Variants in ALK observed in about 807,000 individuals in gnomAD.
The protein encoded by ALK is ALK receptor tyrosine kinase.
A neutral mutation model predicts 163.1 loss-of-function variants in ALK; 74 were observed. The ratio of observed to expected loss-of-function variants is 0.45; its 90% CI spans 0.38 to 0.55. The LOEUF is 0.55. Ranked by LOEUF, ALK falls within the 20% of genes least tolerant of loss-of-function variation. The pLI is 0.00. For synonymous variants in ALK, 960 were observed against 843.2 expected, an observed-to-expected ratio of 1.14 and a Z score of -2.40; for missense variants, 2,063 against 2,105.3, an observed-to-expected ratio of 0.98 and a Z score of 0.39.
chr2:29,861,812 G>C (rs1037920041), intron 1 of ALK, among the ~76,000 whole-genome samples: 1 of 152,120 alleles, frequency 6.6e-6, no homozygotes, highest in Admixed American at 6.6e-5. Context: ...ACTGAAGCCA[G>C]ACAAGGATAC....
At chr2:29,899,260 C>A (rs868743187) in intron 1 of ALK, among the ~76,000 whole-genome samples, 1 of 152,164 alleles carries the variant, frequency 6.6e-6, no homozygotes, top group Non-Finnish European at 1.5e-5. Context: ...TGTGAGGCAG[C>A]CCCAGCAAAT....
intron 3 of ALK, among the ~76,000 whole-genome samples, chr2:29,624,940 C>T (rs962393723): frequency 3.9e-5 from 6 of 152,170 alleles, no homozygotes; most frequent in Non-Finnish European, 8.8e-5. Context: ...GAAACCTACA[C>T]ACTAGGTGGG....
intron 3 of ALK, among the ~76,000 whole-genome samples, chr2:29,655,336 C>G (rs1203583896): frequency 6.6e-6 from 1 of 152,062 alleles, no homozygotes; most frequent in Non-Finnish European, 1.5e-5. Flanking sequence ...TGGTTTTGTG[C>G]TTTATAATTT....
intron 1 of ALK, among the ~76,000 whole-genome samples, chr2:29,829,553 T>A (rs1665304990): frequency 1.3e-5 from 2 of 152,228 alleles, no homozygotes; most frequent in Admixed American, 1.3e-4. Context: ...TTTAGGCTTA[T>A]CACAGGATAT....
intron 4 of ALK, among the ~76,000 whole-genome samples, chr2:29,400,075 G>A (rs185808584): frequency 1.1e-4 from 16 of 152,302 alleles, no homozygotes; most frequent in Middle Eastern, 3.4e-3. Context: ...GCATGGGCTC[G>A]GTGACAGGCC....
chr2:29,663,627 T>G (rs1186510987), intron 3 of ALK, among the ~76,000 whole-genome samples: 2 of 152,208 alleles, frequency 1.3e-5, no homozygotes, highest in African/African-American at 2.4e-5. Flanking sequence ...CTAAGACATA[T>G]TTGAATATCT....
chr2:29,253,888 A>G (rs200926589), intron 11 of ALK, among the ~76,000 whole-genome samples: 1 of 138,520 alleles, frequency 7.2e-6, no homozygotes, highest in Non-Finnish European at 1.5e-5. Flanking sequence ...AGATAGATAG[A>G]TAGATAGGTA....
intron 4 of ALK, among the ~76,000 whole-genome samples, chr2:29,406,525 C>T (rs181037220): frequency 2.1e-4 from 32 of 152,202 alleles, no homozygotes; most frequent in South Asian, 8.3e-4. Context: ...AGAAGCTGAC[C>T]GATTGCTGAT....
chr2:29,510,497 G>C (rs1245067556), intron 4 of ALK, among the ~76,000 whole-genome samples: 3 of 152,108 alleles, frequency 2.0e-5, no homozygotes, highest in Non-Finnish European at 4.4e-5. Flanking sequence ...ATTTCCTTGA[G>C]CCTTAGTTTT....
intron 1 of ALK, among the ~76,000 whole-genome samples, chr2:29,804,315 T>A (rs1339475517): frequency 6.6e-6 from 1 of 152,226 alleles, no homozygotes; most frequent in Non-Finnish European, 1.5e-5. Context: ...CTTGATGCCA[T>A]CTCATTCCAC....
intron 1 of ALK, among the ~76,000 whole-genome samples, chr2:29,879,627 T>G (rs553953452): frequency 2.0e-5 from 3 of 152,226 alleles, no homozygotes; most frequent in Non-Finnish European, 4.4e-5. Flanking sequence ...AGATAATGGT[T>G]CATTCAGCTT....
chr2:29,542,214 T>A (rs535004987), intron 3 of ALK, among the ~76,000 whole-genome samples: 4 of 147,020 alleles, frequency 2.7e-5, no homozygotes, highest in African/African-American at 1.1e-4. Flanking sequence ...TTTTGTTTTG[T>A]TTTTTTTCAG....
intron 3 of ALK, among the ~76,000 whole-genome samples, chr2:29,593,721 A>G (rs1675124165): frequency 6.6e-6 from 1 of 152,254 alleles, no homozygotes; most frequent in Admixed American, 6.5e-5. Context: ...TGTAGAAACC[A>G]AAAAGTTCAG....
chr2:29,465,628 A>T (rs1671193228), intron 4 of ALK, among the ~76,000 whole-genome samples: 1 of 152,122 alleles, frequency 6.6e-6, no homozygotes, highest in African/African-American at 2.4e-5. Flanking sequence ...TGGGAGGTGG[A>T]GGTTGCAGTG....
chr2:29,586,413 A>C (rs1182586417), intron 3 of ALK, among the ~76,000 whole-genome samples: 14 of 152,114 alleles, frequency 9.2e-5, no homozygotes, highest in Admixed American at 9.2e-4. Context: ...TCTTATCTAC[A>C]TTTGAGAATG....
intron 4 of ALK, among the ~76,000 whole-genome samples, chr2:29,508,905 G>A (rs1672430384): frequency 1.3e-5 from 2 of 152,022 alleles, no homozygotes; most frequent in Admixed American, 6.6e-5. Context: ...CCCAGTCATG[G>A]AGATCATCAA....
At chr2:29,555,363 T>C (rs569078234) in intron 3 of ALK, among the ~76,000 whole-genome samples, 1 of 147,092 alleles carries the variant, frequency 6.8e-6, no homozygotes. Context: ...TAGGCTGCTG[T>C]GGGCATTTGA....
intron 5 of ALK, among the ~76,000 whole-genome samples, chr2:29,351,666 C>A (rs1456855336): frequency 6.6e-6 from 1 of 152,160 alleles, no homozygotes; most frequent in Non-Finnish European, 1.5e-5. Context: ...GAAAGACTTG[C>A]TGATTTATGG....
At chr2:29,515,726 A>G (rs1208771532) in intron 4 of ALK, among the ~76,000 whole-genome samples, 1 of 152,224 alleles carries the variant, frequency 6.6e-6, no homozygotes, top group African/African-American at 2.4e-5. Context: ...TACTCTCATC[A>G]AAATCAACCT....
Sources: allele counts gnomAD v4.1 joint callset (sites outside exome capture counted in the v4.1 genomes callset), GRCh38; gene constraint gnomAD v4.1.1; transcripts MANE v1.5; gene names NCBI Gene and HGNC (gene_info 2026-07-23, HGNC 2026-07-21).